Variants in RORA observed in about 807,000 individuals in gnomAD.
RORA encodes the protein nuclear receptor ROR-alpha.
Under a neutral mutation model 69.5 loss-of-function variants are expected in RORA, and 7 were observed. The ratio of observed to expected loss-of-function variants is 0.10; its 90% CI spans 0.06 to 0.19. RORA has a LOEUF of 0.19. Among genes scored for constraint, RORA ranks in the 10% least tolerant of loss-of-function variants. The probability of loss-of-function intolerance (pLI) is 1.00; values close to 1 mark genes in which losing one functional copy is unlikely to be tolerated. For missense variants in RORA, 457 were observed against 663.0 expected, an observed-to-expected ratio of 0.69 and a Z score of 3.41; for synonymous variants, 261 against 240.8, an observed-to-expected ratio of 1.08 and a Z score of -0.78.
chr15:60,662,969 T>A (rs1301632044), intron 2 of RORA, among the ~76,000 whole-genome samples: 2 of 152,192 alleles, frequency 1.3e-5, no homozygotes, highest in Non-Finnish European at 2.9e-5. Context: ...TGCCCAAGGT[T>A]ATGCCCTTAG....
In RORA at chr15:61,138,517, G is replaced by A. The variant is rs564238995; in HGVS notation, c.166+90536C>T. On this transcript the variant is annotated intron_variant, in intron 1 of 10. Transcript: ENST00000335670. ...GCAATGTTTGCCTGTTTTGAGCACCGATTTTTGGATGCCCTTTGACAAAAA... is the reference window on the plus strand; with the variant it reads ...GCAATGTTTGCCTGTTTTGAGCACCAATTTTTGGATGCCCTTTGACAAAAA... Among the ~76,000 whole-genome samples the A allele has an allele frequency of 3.3e-5, 5 of 152,248 alleles. No individual in the cohort carries two copies. In the South Asian group the frequency reaches 1.0e-3, roughly 32 times the overall value.
intron 1 of RORA, among the ~76,000 whole-genome samples, chr15:60,697,730 T>G (rs1042579550): frequency 2.0e-5 from 3 of 152,232 alleles, no homozygotes; most frequent in Non-Finnish European, 2.9e-5. Context: ...GACGTAAATT[T>G]CTAATTTTTA....
Position 60,525,064 on chromosome 15 carries a change from C to T in RORA, c.282+6702G>A, listed in dbSNP as rs546827784. On this transcript the variant is annotated intron_variant, in intron 3 of 10. Coordinates refer to ENST00000335670, the MANE Select transcript of RORA (RefSeq NM_134261.3). ...TGTAGGGCCGACTGAATAACAACAA[C>T]AACAACAAAAGATGAACAAACAACA... Among the ~76,000 whole-genome samples the T allele has an allele frequency of 3.9e-4, 59 of 152,104 alleles. 1 individual carries two copies. Among genetic ancestry groups the T allele is most frequent in the African/African-American group, 1.4e-3 (57 of 41,436 alleles).
chr15:60,797,048 A>T (rs1319342141), intron 1 of RORA, among the ~76,000 whole-genome samples: 1 of 148,028 alleles, frequency 6.8e-6, no homozygotes, highest in African/African-American at 2.5e-5. Flanking sequence ...TAATTATATT[A>T]TCTATATATT....
At chr15:60,988,073 C>A (rs1288448842) in intron 1 of RORA, among the ~76,000 whole-genome samples, 1 of 152,184 alleles carries the variant, frequency 6.6e-6, no homozygotes, top group East Asian at 1.9e-4. Flanking sequence ...TCACTCTTGC[C>A]ATTGTGTTGA....
At chr15:60,609,535 G>A (rs1017298378) in intron 2 of RORA, among the ~76,000 whole-genome samples, 2 of 152,092 alleles carry the variant, frequency 1.3e-5, no homozygotes, top group African/African-American at 4.8e-5. Context: ...ATATATATCT[G>A]TGGAAAGTCC....
Position 60,499,887 on chromosome 15 carries a change from C to T in RORA, c.1407+5G>A, listed in dbSNP as rs200431284. 1.3e-6 allele frequency: 2 copies of T among 1,553,012 alleles called. No homozygotes were observed. Among genetic ancestry groups the T allele is most frequent in the Non-Finnish European group, 1.8e-6 (2 of 1,128,858 alleles). On this transcript the variant is annotated splice_donor_5th_base_variant and intron_variant, in intron 10 of 10. Coordinates refer to ENST00000335670, the MANE Select transcript of RORA (RefSeq NM_134261.3). Reference sequence around the variant, plus strand: ...CCATGCCAACTAGAAGCCTTTGGCACTCACCTTTGTTAGTATTCCATCTTC... The same window carrying T: ...CCATGCCAACTAGAAGCCTTTGGCATTCACCTTTGTTAGTATTCCATCTTC...
rs537642318 is a variant in RORA at position 60,534,444 on chromosome 15, C to T, written c.197-2593G>A. On this transcript the variant is annotated intron_variant, in intron 2 of 10. Transcript: ENST00000335670. The surrounding 1 kb of genome is among the most constrained non-coding windows in gnomAD (Gnocchi z 5.0). Reference sequence around the variant, plus strand: ...GTCACGAGATCTGTGGAGGCCAAGACGCTTAGGATAAATGGACTCACTGTA... The same window carrying T: ...GTCACGAGATCTGTGGAGGCCAAGATGCTTAGGATAAATGGACTCACTGTA... Among the ~76,000 whole-genome samples the T allele has an allele frequency of 9.2e-5, 14 of 152,198 alleles. No homozygotes were observed. Among genetic ancestry groups the T allele is most frequent in the East Asian group, 1.9e-4 (1 of 5,174 alleles).
At chr15:60,581,988 A>G (rs1211411718) in intron 2 of RORA, among the ~76,000 whole-genome samples, 2 of 152,190 alleles carry the variant, frequency 1.3e-5, no homozygotes, top group Admixed American at 6.5e-5. Context: ...GTAAAGAATA[A>G]AATTACTGTG....
At chr15:60,502,912 G>T in intron 7 of RORA, 45 bp from the exon 8 acceptor site, 1 of 1,255,638 alleles carries the variant, frequency 8.0e-7, no homozygotes, top group Non-Finnish European at 1.2e-6. Flanking sequence ...GTCATCTGAT[G>T]TTAGTGAGTT....
At chr15:60,570,252 T>C (rs1056787933) in intron 2 of RORA, among the ~76,000 whole-genome samples, 4 of 152,204 alleles carry the variant, frequency 2.6e-5, no homozygotes, top group Non-Finnish European at 5.9e-5. Flanking sequence ...TGAGATTTTA[T>C]ATGGTACCGT....
chr15:61,138,386 A>C (rs1030921627), intron 1 of RORA, among the ~76,000 whole-genome samples: 1 of 152,186 alleles, frequency 6.6e-6, no homozygotes, highest in African/African-American at 2.4e-5. Flanking sequence ...GTATGAACAA[A>C]AATATTCGGA....
rs2080014103 is a variant in RORA at position 61,213,790 on chromosome 15, CG to C, written c.166+15262del. ...ATCAATTCACTTAATTCAGCTTTGT[CG>C]TTCCATTGACTAACATGGGACCTGA... On this transcript the variant is annotated intron_variant, in intron 1 of 10. Coordinates refer to ENST00000335670, the MANE Select transcript of RORA (RefSeq NM_134261.3). This position sits in a 1 kb window ranked among gnomAD's most constrained non-coding sequence, Gnocchi z 4.1. 1 of 152,146 alleles carries C rather than the reference CG, an allele frequency of 6.6e-6. No individual in the cohort carries two copies. The highest frequency in any genetic ancestry group is 2.4e-5 in the African/African-American group (1 of 41,430). 9.4% of individuals were successfully genotyped at this position (152,146 alleles called of 1,614,324 possible).
chr15:60,927,783 A>C (rs1892259867), intron 1 of RORA, among the ~76,000 whole-genome samples: 1 of 152,116 alleles, frequency 6.6e-6, no homozygotes, highest in Non-Finnish European at 1.5e-5. Flanking sequence ...CAAAACAAAC[A>C]AACAAACAAA....
intron 1 of RORA, among the ~76,000 whole-genome samples, chr15:60,862,806 A>G (rs2073447489): frequency 6.6e-6 from 1 of 152,294 alleles, no homozygotes; most frequent in South Asian, 2.1e-4. Flanking sequence ...TAGAGTCACA[A>G]TTGTATTGTA....
chr15:60,538,942 T>C (rs1420279428), intron 2 of RORA, among the ~76,000 whole-genome samples: 1 of 151,728 alleles, frequency 6.6e-6, no homozygotes, highest in South Asian at 2.1e-4. Context: ...TCCGGAAAAC[T>C]TAATGGCTTT....
At chr15:61,138,196 T>C (rs1420484224) in intron 1 of RORA, among the ~76,000 whole-genome samples, 1 of 152,156 alleles carries the variant, frequency 6.6e-6, no homozygotes, top group African/African-American at 2.4e-5. Context: ...GTGAGAAACA[T>C]ATGTATTTGG....
intron 2 of RORA, among the ~76,000 whole-genome samples, chr15:60,591,322 G>C (rs1368619506): frequency 1.3e-5 from 2 of 152,168 alleles, no homozygotes; most frequent in Non-Finnish European, 2.9e-5. Context: ...GGCGTGCTGC[G>C]GGCTGAGTTT....
At chr15:61,145,780 G>A (rs2079340404) in intron 1 of RORA, among the ~76,000 whole-genome samples, 1 of 152,064 alleles carries the variant, frequency 6.6e-6, no homozygotes, top group Non-Finnish European at 1.5e-5. Context: ...AACGATCAGG[G>A]GAAATATGTT....
Sources: allele counts gnomAD v4.1 joint callset (sites outside exome capture counted in the v4.1 genomes callset), GRCh38; gene constraint gnomAD v4.1.1; non-coding constraint Gnocchi (gnomAD v3.1); transcripts MANE v1.5; gene names NCBI Gene and HGNC (gene_info 2026-07-23, HGNC 2026-07-21).